The following HECTD2 variants were observed in gnomAD, a reference collection of about 807,000 sequenced individuals.
The protein encoded by HECTD2 is HECT domain E3 ubiquitin protein ligase 2, also known as probable E3 ubiquitin-protein ligase HECTD2.
Under a neutral mutation model 103.2 loss-of-function variants are expected in HECTD2, and 35 were observed. The ratio of observed to expected loss-of-function variants is 0.34; its 90% CI spans 0.26 to 0.45. The LOEUF is 0.45. HECTD2 is among the 20% of genes least tolerant of loss of function. The pLI, the probability that HECTD2 is intolerant of heterozygous loss-of-function variation, is 1.00. For missense variants in HECTD2, 596 were observed against 937.4 expected (o/e 0.64, Z 4.76); for synonymous variants, 281 against 329.9 (o/e 0.85, Z 1.61).
intron 10 of HECTD2, chr10:91,486,630 A>G (rs1846276324): frequency 6.6e-6 from 1 of 152,188 alleles, no homozygotes; most frequent in Non-Finnish European, 1.5e-5. Context: ...TTCACAAAGT[A>G]TCATTTCTCT....
At chr10:91,433,880 C>T (rs1343176975) in intron 2 of HECTD2, among the ~76,000 whole-genome samples, 4 of 151,702 alleles carry the variant, frequency 2.6e-5, no homozygotes, top group Non-Finnish European at 4.4e-5. Context: ...GCATGTTTAC[C>T]CTGTTGGAAT....
intron 20 of HECTD2, among the ~76,000 whole-genome samples, chr10:91,510,567 A>C (rs1847383018): frequency 6.6e-6 from 1 of 152,224 alleles, no homozygotes; most frequent in Admixed American, 6.5e-5. Context: ...AAACTTGGAA[A>C]GCTCAGCCTT....
intron 20 of HECTD2, among the ~76,000 whole-genome samples, chr10:91,503,877 G>A (rs1034050439): frequency 4.3e-4 from 65 of 152,350 alleles, no homozygotes; most frequent in Non-Finnish European, 7.3e-4. Flanking sequence ...AAATGTCCCT[G>A]TCTGACAGCT....
intron 20 of HECTD2, among the ~76,000 whole-genome samples, chr10:91,502,819 C>G (rs1846958398): frequency 6.6e-6 from 1 of 152,032 alleles, no homozygotes; most frequent in Non-Finnish European, 1.5e-5. Flanking sequence ...TAAACTTTCC[C>G]AATAATTATT....
chr10:91,465,045 A>T (rs368320743), intron 5 of HECTD2, among the ~76,000 whole-genome samples: 20 of 152,248 alleles, frequency 1.3e-4, no homozygotes, highest in African/African-American at 4.6e-4. Flanking sequence ...CTAACTAAAA[A>T]AACACATGCA....
chr10:91,424,501 T>C (rs1046322939), intron 1 of HECTD2, among the ~76,000 whole-genome samples: 2 of 152,082 alleles, frequency 1.3e-5, no homozygotes, highest in Non-Finnish European at 2.9e-5. Flanking sequence ...AATTGGAACA[T>C]AGTATAAAAA....
Position 91,485,287 on chromosome 10 carries a change from T to G in HECTD2, c.1078T>G (p.Phe360Val). The change falls in exon 10 of 21, where the codon TTT becomes GTT. Residue 360 changes from phenylalanine (F) to valine (V), a missense_variant. Physicochemically the swap from Phe to Val is conservative, Grantham distance 50. Around this residue, in one of 4 missense-constraint regions of HECTD2, gnomAD observed 303 missense variants for 522.5 expected, o/e 0.58. Coordinates refer to ENST00000298068, the MANE Select transcript of HECTD2 (RefSeq NM_182765.6). ...GGAAGAATATCATACTTGGCAAAAC[T>G]TTGGAAACTCTCACAGGTATGAACA... ...LMEEYHTWQNFGNSHRFSFCQ... is the reference protein window; with the variant it reads ...LMEEYHTWQNVGNSHRFSFCQ... The G allele has an allele frequency of 6.3e-7, 1 of 1,592,884 alleles. No individual in the cohort carries two copies.
chr10:91,416,661 A>G (rs12355866), intron 1 of HECTD2, among the ~76,000 whole-genome samples: 6,848 of 152,282 alleles, frequency 0.045, 245 homozygotes, highest in Non-Finnish European at 0.073. Flanking sequence ...GTGACACATG[A>G]TTGTGTTTAT....
intron 20 of HECTD2, among the ~76,000 whole-genome samples, chr10:91,505,146 C>T (rs1215356911): frequency 1.5e-4 from 23 of 150,886 alleles, no homozygotes; most frequent in South Asian, 4.3e-4. Flanking sequence ...AAGGAACAAC[C>T]GGTACCAGCC....
chr10:91,415,974 G>A (rs1843111147), intron 1 of HECTD2, among the ~76,000 whole-genome samples: 1 of 151,854 alleles, frequency 6.6e-6, no homozygotes, highest in Non-Finnish European at 1.5e-5. Context: ...AGTTTGAGTG[G>A]GTTGTAAAGT....
intron 2 of HECTD2, among the ~76,000 whole-genome samples, chr10:91,452,494 C>A (rs1408403775): frequency 6.6e-6 from 1 of 151,916 alleles, no homozygotes; most frequent in East Asian, 1.9e-4. Context: ...GAGGTCGGAC[C>A]TTTAAGAGGT....
At chr10:91,490,667 G>A (rs988670937) in intron 11 of HECTD2, among the ~76,000 whole-genome samples, 19 of 151,666 alleles carry the variant, frequency 1.3e-4, no homozygotes, top group Admixed American at 4.6e-4. Context: ...CGAGGCGGGC[G>A]GATCACGAGG....
intron 20 of HECTD2, 116 bp from the exon 21 acceptor site, chr10:91,512,148 T>G: frequency 8.8e-7 from 1 of 1,130,168 alleles, no homozygotes; most frequent in Admixed American, 2.1e-5. Context: ...ATGAGTCATC[T>G]CTTAACAGAG....
intron 2 of HECTD2, among the ~76,000 whole-genome samples, chr10:91,433,217 T>G (rs1843968291): frequency 6.6e-6 from 1 of 152,010 alleles, no homozygotes; most frequent in Admixed American, 6.6e-5. Context: ...AGTTATTTTT[T>G]CTTTTTTATA....
chr10:91,501,966 C>T (rs927218735), intron 20 of HECTD2, among the ~76,000 whole-genome samples: 1 of 152,088 alleles, frequency 6.6e-6, no homozygotes, highest in South Asian at 2.1e-4. Context: ...CTGCCCCATA[C>T]ATTGAACATT....
At chr10:91,509,789 G>A (rs1847349884) in intron 20 of HECTD2, among the ~76,000 whole-genome samples, 1 of 152,224 alleles carries the variant, frequency 6.6e-6, no homozygotes. Flanking sequence ...GGGTAGGGTG[G>A]GAGGAGGGTA....
At chr10:91,419,806 A>G (rs1407460073) in intron 1 of HECTD2, among the ~76,000 whole-genome samples, 1 of 152,022 alleles carries the variant, frequency 6.6e-6, no homozygotes, top group Non-Finnish European at 1.5e-5. Context: ...ATTCCTCAAC[A>G]CCCCCAGCCC....
chr10:91,498,919 C>T lies in HECTD2; in HGVS notation c.1803C>T (p.Pro601=), dbSNP rs189422481. Residue 601 remains proline, a synonymous_variant, in exon 17 of 21, where the codon CCC becomes CCT. Transcript: ENST00000298068. ...TAATCAAGTCCTATAATTTAAAGCCCGGTGGTGATAAAATTTCAGTTACCA... is the reference window on the plus strand; with the variant it reads ...TAATCAAGTCCTATAATTTAAAGCCTGGTGGTGATAAAATTTCAGTTACCA... ...FGIIKSYNLK[P]GGDKISVTNQ... The T allele has an allele frequency of 1.6e-5, 26 of 1,606,652 alleles. No individual in the cohort carries two copies. The highest frequency in any genetic ancestry group is 9.4e-5 in the African/African-American group (7 of 74,708).
intron 2 of HECTD2, among the ~76,000 whole-genome samples, chr10:91,453,974 C>G (rs768753300): frequency 6.6e-6 from 1 of 151,946 alleles, no homozygotes; most frequent in Non-Finnish European, 1.5e-5. Context: ...GATAATCACC[C>G]AAAATATATA....
Sources: allele counts gnomAD v4.1 joint callset (sites outside exome capture counted in the v4.1 genomes callset), GRCh38; gene constraint gnomAD v4.1.1; regional missense constraint gnomAD v4.1.1; transcripts MANE v1.5; gene names NCBI Gene and HGNC (gene_info 2026-07-23, HGNC 2026-07-21).